The following ADAM10 variants were observed in gnomAD, a reference collection of about 807,000 sequenced individuals.
The protein encoded by ADAM10 is ADAM metallopeptidase domain 10, also known as disintegrin and metalloproteinase domain-containing protein 10.
ADAM10 carries 17 observed loss-of-function variants against 90.1 expected under a neutral mutation model. The ratio of observed to expected loss-of-function variants is 0.19; its 90% confidence interval spans 0.13 to 0.28. ADAM10 has a LOEUF of 0.28. Ranked by LOEUF, ADAM10 falls within the 10% of genes least tolerant of loss-of-function variation. ADAM10 has a pLI of 1.00. For missense variants in ADAM10, 610 were observed against 914.3 expected, an observed-to-expected ratio of 0.67 and a Z score of 4.29; for synonymous variants, 310 against 298.6, an observed-to-expected ratio of 1.04 and a Z score of -0.40.
intron 1 of ADAM10, among the ~76,000 whole-genome samples, chr15:58,723,661 C>T (rs1294336790): frequency 2.0e-5 from 3 of 151,888 alleles, no homozygotes; most frequent in Admixed American, 6.6e-5. Context: ...GCCAAGGTCA[C>T]GCCACTGCTC....
At chr15:58,712,131 A>C (rs763827816) in intron 2 of ADAM10, among the ~76,000 whole-genome samples, 2 of 152,194 alleles carry the variant, frequency 1.3e-5, no homozygotes, top group Non-Finnish European at 2.9e-5. Flanking sequence ...CACCTATATC[A>C]ATATAGGTGA....
chr15:58,679,285 A>G lies in ADAM10; in HGVS notation c.326-3T>C, dbSNP rs376345364. ...ATGGCTAAAACTTCCTTCTTCACCT[A>G]TTAATGAAAGCAACAAATTCTTGAC... is the stretch of plus-strand genomic sequence containing the variant. On this transcript the variant is annotated splice_region_variant and splice_polypyrimidine_tract_variant and intron_variant, in intron 3 of 15. Coordinates refer to ENST00000260408, the MANE Select transcript of ADAM10 (RefSeq NM_001110.4). The G allele has an allele frequency of 3.7e-6, 6 of 1,613,780 alleles. No homozygotes were observed. The African/African-American group carries it at 5.3e-5, about 14-fold the overall frequency.
intron 2 of ADAM10, among the ~76,000 whole-genome samples, chr15:58,682,933 T>C (rs1159196034): frequency 6.6e-6 from 1 of 151,980 alleles, no homozygotes; most frequent in Non-Finnish European, 1.5e-5. Flanking sequence ...AAGGGAAAGA[T>C]CAAAATACTA....
At chr15:58,723,335 T>C (rs1490800251) in intron 1 of ADAM10, among the ~76,000 whole-genome samples, 2 of 151,440 alleles carry the variant, frequency 1.3e-5, no homozygotes, top group Non-Finnish European at 2.9e-5. Context: ...CCCCTCAAAC[T>C]AAGATTGGAA....
At chr15:58,615,276 G>GAAAAAAA (rs35628107) in intron 11 of ADAM10, among the ~76,000 whole-genome samples, 3 of 84,786 alleles carry the variant, frequency 3.5e-5, no homozygotes, top group Admixed American at 1.3e-4. Context: ...TCCGTCTGAA[G>GAAAAAAA]AAAAAAAAAA....
At chr15:58,611,241 A>G (rs1156668910) in intron 12 of ADAM10, 134 bp from the exon 13 acceptor site, 1 of 709,638 alleles carries the variant, frequency 1.4e-6, no homozygotes, top group Non-Finnish European at 2.5e-6. Flanking sequence ...ACAAACAGAG[A>G]TGAGTATCAA....
intron 2 of ADAM10, among the ~76,000 whole-genome samples, chr15:58,701,582 T>G (rs12908261): frequency 0.14 from 21,233 of 152,158 alleles, 1,762 homozygotes; most frequent in South Asian, 0.33. Flanking sequence ...CATAGAGATT[T>G]CTCAAGAAAA....
chr15:58,627,500 C>T (rs1479415710), intron 10 of ADAM10, among the ~76,000 whole-genome samples, 200 bp downstream of exon 10: 1 of 152,090 alleles, frequency 6.6e-6, no homozygotes, highest in Non-Finnish European at 1.5e-5. Flanking sequence ...ATACTGATGG[C>T]TGCAACTTAC....
At chr15:58,691,367 T>TAC in intron 2 of ADAM10, 1 of 897,658 alleles carries the variant, frequency 1.1e-6, no homozygotes, top group East Asian at 2.5e-5. Context: ...TCATATATAT[T>TAC]ACCTCGAAGC....
intron 4 of ADAM10, among the ~76,000 whole-genome samples, chr15:58,677,546 C>T (rs1897325042): frequency 1.3e-5 from 2 of 151,988 alleles, no homozygotes; most frequent in Non-Finnish European, 2.9e-5. Flanking sequence ...AAAGAATATT[C>T]TTAAACTACA....
At chr15:58,734,173 C>T (rs1383121469) in intron 1 of ADAM10, among the ~76,000 whole-genome samples, 10 of 152,088 alleles carry the variant, frequency 6.6e-5, no homozygotes, top group Admixed American at 6.6e-4. Context: ...ACATCAATTT[C>T]TTGTTTAACT....
At chr15:58,746,172 T>G (rs1196399290) in intron 1 of ADAM10, among the ~76,000 whole-genome samples, 1 of 152,162 alleles carries the variant, frequency 6.6e-6, no homozygotes, top group Non-Finnish European at 1.5e-5. Flanking sequence ...AAAATTATAT[T>G]TCCAAGTCTG....
At chr15:58,678,983 T>C (rs1346014074) in intron 4 of ADAM10, 141 bp downstream of exon 4, 3 of 793,956 alleles carry the variant, frequency 3.8e-6, no homozygotes, top group Non-Finnish European at 4.0e-6. Flanking sequence ...ATTCCTTAAA[T>C]AGCAATTGCT....
At chr15:58,661,190 T>C (rs1896956832) in intron 5 of ADAM10, among the ~76,000 whole-genome samples, 3 of 152,216 alleles carry the variant, frequency 2.0e-5, no homozygotes, top group Admixed American at 6.5e-5. Context: ...AATAATCTCT[T>C]GAAGGTTTTT....
Position 58,719,724 on chromosome 15 carries a change from T to TA in ADAM10, c.56-1998dup, listed in dbSNP as rs200906156. On this transcript the variant is annotated intron_variant, in intron 1 of 15. Transcript: ENST00000260408. ...TTACCTTAAGCATTTTTTACTAGAA[T>TA]AAAAAAAAATGATCTGGGTTTGAAT... Among the ~76,000 whole-genome samples the TA allele has an allele frequency of 9.9e-3, 1,504 of 151,552 alleles. 23 individuals carry two copies. Among genetic ancestry groups the TA allele is most frequent in the African/African-American group, 0.034 (1,412 of 41,326 alleles).
At chr15:58,659,805 T>G (rs1334689642) in intron 5 of ADAM10, among the ~76,000 whole-genome samples, 10 of 152,176 alleles carry the variant, frequency 6.6e-5, no homozygotes, top group Non-Finnish European at 1.5e-4. Flanking sequence ...CTCGGCTCAC[T>G]GCAAGCTCCG....
intron 2 of ADAM10, among the ~76,000 whole-genome samples, chr15:58,688,461 G>C (rs1235173535): frequency 6.6e-6 from 1 of 150,756 alleles, no homozygotes; most frequent in Non-Finnish European, 1.5e-5. Flanking sequence ...AAAACAAGGG[G>C]TAAAAAAACC....
At chr15:58,623,004 C>A (rs16940604) in intron 10 of ADAM10, among the ~76,000 whole-genome samples, 1 of 152,076 alleles carries the variant, frequency 6.6e-6, no homozygotes, top group African/African-American at 2.4e-5. Context: ...TACACCAAAT[C>A]GACATGGAAA....
At chr15:58,731,251 T>C (rs543669573) in intron 1 of ADAM10, among the ~76,000 whole-genome samples, 2 of 152,094 alleles carry the variant, frequency 1.3e-5, no homozygotes, top group African/African-American at 4.8e-5. Context: ...GTACACTGAG[T>C]ACTATGCTGA....
Sources: allele counts gnomAD v4.1 joint callset (sites outside exome capture counted in the v4.1 genomes callset), GRCh38; gene constraint gnomAD v4.1.1; transcripts MANE v1.5; gene names NCBI Gene and HGNC (gene_info 2026-07-23, HGNC 2026-07-21).